The following ZNF714 variants were observed in gnomAD, a reference collection of about 807,000 sequenced individuals.
ZNF714 encodes the protein zinc finger protein 714.
Under a neutral mutation model 46.2 loss-of-function variants are expected in ZNF714, and 32 were observed. The observed-to-expected ratio is 0.69, with a 90% CI of 0.52 to 0.93. The LOEUF is 0.93. Among genes scored for constraint, ZNF714 ranks in the 40% least tolerant of loss-of-function variants. The pLI, the probability that ZNF714 is intolerant of heterozygous loss-of-function variation, is 0.00. For synonymous variants in ZNF714, 199 were observed against 213.1 expected (o/e 0.93, Z 0.58); for missense variants, 635 against 646.3 (o/e 0.98, Z 0.19).
chr19:21,118,321 A>G lies in ZNF714; in HGVS notation c.1657A>G (p.Arg553Gly). The change falls in exon 5 of 5, where the codon AGG becomes GGG. Residue 553 changes from arginine to glycine, a missense_variant. Coordinates refer to ENST00000456283, the MANE Select transcript of ZNF714 (RefSeq NM_182515.4). ...KIQKFAGCGG[R>G]RL is the part of the protein sequence containing the mutation. ...ACAAAAATTTGCTGGGTGTGGTGGC[A>G]GGCGCCTGTAATCCCAGCTACTTGG... The G allele has an allele frequency of 1.2e-6, 1 of 862,432 alleles. No homozygotes were observed. The highest frequency in any genetic ancestry group is 1.8e-6 in the Non-Finnish European group (1 of 567,632). The allele number at this position is 862,432 out of a possible 1,614,324, so 53.4% of individuals were successfully genotyped here.
intron 4 of ZNF714, among the ~76,000 whole-genome samples, chr19:21,106,384 A>G (rs939105582): frequency 1.3e-5 from 2 of 151,922 alleles, no homozygotes; most frequent in Admixed American, 6.6e-5. Flanking sequence ...CCTGACCAAC[A>G]TGGTGAGACC....
rs752246424 is a variant in ZNF714 at position 21,117,195 on chromosome 19, A to G, written c.531A>G (p.Glu177=). 6.2e-7 allele frequency: 1 copy of G among 1,614,002 alleles called. No individual in the cohort carries two copies. Among genetic ancestry groups the G allele is most frequent in the African/African-American group, 1.3e-5 (1 of 74,956 alleles). ...GAGAGAATTCTTACCAATGTGAAGA[A>G]TGTGACAAAGTGTTTAAGCGGTTCT... is the stretch of plus-strand genomic sequence containing the variant. ...HIRENSYQCE[E]CDKVFKRFST... The change falls in exon 5 of 5, where the codon GAA becomes GAG. Residue 177 remains glutamate (E), a synonymous_variant. Transcript: ENST00000456283.
chr19:21,115,403 C>T lies in ZNF714; in HGVS notation c.143-1404C>T, dbSNP rs535780117. 7.9e-5 allele frequency among the ~76,000 whole-genome samples: 12 copies of T among 151,818 alleles called. No homozygotes were observed. In the East Asian group the frequency reaches 1.5e-3, roughly 20 times the overall value. ...TATTTATAAAATTACTTTATTTAAT[C>T]GTATTATTTTCAGTAGAAGCAACTG... is the stretch of plus-strand genomic sequence containing the variant. On this transcript the variant is annotated intron_variant, in intron 4 of 4. Coordinates refer to ENST00000456283, the MANE Select transcript of ZNF714 (RefSeq NM_182515.4).
Position 21,117,571 on chromosome 19 carries a change from C to T in ZNF714, c.907C>T (p.His303Tyr). 1 of 1,606,844 alleles carries T rather than the reference C, an allele frequency of 6.2e-7. No individual in the cohort carries two copies. The highest frequency in any genetic ancestry group is 1.3e-5 in the African/African-American group (1 of 74,826). ...AFNRFSYLTK[H>Y]KIIHSGEKSY... ...TAACCGATTCTCATACCTTACTAAA[C>T]ATAAGATAATTCATTCTGGAGAGAA... Residue 303 changes from histidine to tyrosine, a missense_variant, in exon 5 of 5, where the codon CAT becomes TAT. Physicochemically the swap from His to Tyr is moderately conservative, Grantham distance 83. Coordinates refer to ENST00000456283, the MANE Select transcript of ZNF714 (RefSeq NM_182515.4).
At chr19:21,101,836 C>G (rs1310544579) in intron 4 of ZNF714, among the ~76,000 whole-genome samples, 1 of 152,184 alleles carries the variant, frequency 6.6e-6, no homozygotes, top group Non-Finnish European at 1.5e-5. Context: ...ATTTCTTGGT[C>G]TGTAGCCAAA....
chr19:21,096,478 A>C (rs537939107), intron 2 of ZNF714, among the ~76,000 whole-genome samples: 2 of 152,280 alleles, frequency 1.3e-5, no homozygotes, highest in East Asian at 3.9e-4. Flanking sequence ...CCATGAGTTT[A>C]GTACTTGCAA....
chr19:21,089,371 G>T (rs899050879), intron 2 of ZNF714, among the ~76,000 whole-genome samples: 1 of 152,140 alleles, frequency 6.6e-6, no homozygotes, highest in African/African-American at 2.4e-5. Flanking sequence ...CCAGACTTTA[G>T]TCAGGTCAAA....
chr19:21,092,768 C>T (rs1017151045), intron 2 of ZNF714, among the ~76,000 whole-genome samples: 3 of 152,088 alleles, frequency 2.0e-5, no homozygotes, highest in African/African-American at 4.8e-5. Flanking sequence ...CAGTGTCTGT[C>T]GTTCTCCTCT....
At position 21,118,451 on chromosome 19, in the gene ZNF714, CAAAAAAAA is replaced by C. The variant is rs71176814; in HGVS notation, c.*129_*136del. On this transcript the variant is annotated 3_prime_UTR_variant, in exon 5 of 5. Coordinates refer to ENST00000456283, the MANE Select transcript of ZNF714 (RefSeq NM_182515.4). ...TGGGCCACAAGGCAAGACTCTGTCT[CAAAAAAAA>C]AAAAAAAAAGAAAAGAAAATTCATA... The C allele has an allele frequency of 3.6e-5, 6 of 165,380 alleles. No individual in the cohort carries two copies. The highest frequency in any genetic ancestry group is 1.4e-4 in the Admixed American group (2 of 14,464). The allele number at this position is 165,380 out of a possible 1,614,324, so 10.2% of individuals were successfully genotyped here.
At chr19:21,111,021 T>C (rs1969439200) in intron 4 of ZNF714, among the ~76,000 whole-genome samples, 1 of 152,234 alleles carries the variant, frequency 6.6e-6, no homozygotes, top group Non-Finnish European at 1.5e-5. Context: ...TTGGATATCA[T>C]GATGCCTCCA....
intron 4 of ZNF714, among the ~76,000 whole-genome samples, chr19:21,101,585 G>A (rs1352748367): frequency 1.3e-5 from 2 of 152,104 alleles, no homozygotes; most frequent in Non-Finnish European, 2.9e-5. Flanking sequence ...CACTGTGTGA[G>A]TTTCTACTTA....
rs1366074466 is a variant in ZNF714, at chr19:21,098,854, A to C, written c.86A>C (p.Glu29Ala). 6.2e-7 allele frequency: 1 copy of C among 1,611,922 alleles called. No individual in the cohort carries two copies. Among genetic ancestry groups the C allele is most frequent in the Non-Finnish European group, 8.5e-7 (1 of 1,179,096 alleles). The stretch of plus-strand genomic sequence containing the variant: ...AAGCAAGACCCGATCACCAGTCTAG[A>C]GCAAGAAAAAGAGCCCTGGAATATG... ...VSKQDPITSL[E>A]QEKEPWNMKI... is the part of the protein sequence containing the mutation. The change falls in exon 4 of 5, where the codon GAG becomes GCG. Residue 29 changes from glutamate (E) to alanine (A), a missense_variant. Coordinates refer to ENST00000456283, the MANE Select transcript of ZNF714 (RefSeq NM_182515.4).
chr19:21,095,553 C>G (rs868768413), intron 2 of ZNF714, among the ~76,000 whole-genome samples: 2 of 151,892 alleles, frequency 1.3e-5, no homozygotes, highest in African/African-American at 4.8e-5. Context: ...AGCTCCGTGT[C>G]CCGGGTTCAC....
At chr19:21,110,244 C>A (rs562990310) in intron 4 of ZNF714, among the ~76,000 whole-genome samples, 3 of 152,316 alleles carry the variant, frequency 2.0e-5, no homozygotes, top group African/African-American at 7.2e-5. Flanking sequence ...TTCTCCATAG[C>A]CTCACCAACA....
At chr19:21,103,288 T>C (rs531802411) in intron 4 of ZNF714, among the ~76,000 whole-genome samples, 1 of 152,256 alleles carries the variant, frequency 6.6e-6, no homozygotes, top group African/African-American at 2.4e-5. Context: ...GCTCGGTGGC[T>C]CACGCCTGTA....
At chr19:21,082,655 C>CCGG (rs1968681568) in intron 1 of ZNF714, among the ~76,000 whole-genome samples, 1 of 151,874 alleles carries the variant, frequency 6.6e-6, no homozygotes, top group Non-Finnish European at 1.5e-5. Context: ...TGGAGGGTCC[C>CCGG]AGGGGTAGAA....
intron 4 of ZNF714, among the ~76,000 whole-genome samples, chr19:21,113,809 C>G (rs1250169795): frequency 2.0e-5 from 3 of 152,038 alleles, no homozygotes; most frequent in Non-Finnish European, 2.9e-5. Context: ...CATGCCCAGC[C>G]ATATGATCAA....
rs1969719704 is a variant in ZNF714, at chr19:21,122,508, C to T, written c.*4176C>T. 1 of 152,074 alleles carries T rather than the reference C, an allele frequency of 6.6e-6. No individual in the cohort carries two copies. Among genetic ancestry groups the T allele is most frequent in the African/African-American group, 2.4e-5 (1 of 41,382 alleles). The allele number at this position is 152,074 out of a possible 1,614,324, so 9.4% of individuals were successfully genotyped here. A position where few individuals can be genotyped will look rare whatever the true frequency, so the allele number is the denominator to read the frequency against. On this transcript the variant is annotated 3_prime_UTR_variant, in exon 5 of 5. Transcript: ENST00000456283. ...ACCTGTAGCCCAGCTACTCAGGAGG[C>T]TGAGGCAGAAGAATTGCTTGAACCC...
chr19:21,117,476 C>G lies in ZNF714; in HGVS notation c.812C>G (p.Ala271Gly), dbSNP rs1170066837. The change falls in exon 5 of 5, where the codon GCC (alanine) becomes GGC (glycine). Residue 271 changes from alanine to glycine, a missense_variant. Ala to Gly is a moderately conservative substitution (Grantham distance 60). Transcript: ENST00000456283. ...GGTAAAGCTTTTAACCACCCTTCAGCCCTTACTACACATAAGTTCATTCAT... is the reference window on the plus strand; with the variant it reads ...GGTAAAGCTTTTAACCACCCTTCAGGCCTTACTACACATAAGTTCATTCAT... ...ECGKAFNHPS[A>G]LTTHKFIHVK... 6.2e-7 allele frequency: 1 copy of G among 1,608,498 alleles called. No individual in the cohort carries two copies. Among genetic ancestry groups the G allele is most frequent in the Non-Finnish European group, 8.5e-7 (1 of 1,177,406 alleles).
Sources: allele counts gnomAD v4.1 joint callset (sites outside exome capture counted in the v4.1 genomes callset), GRCh38; gene constraint gnomAD v4.1.1; transcripts MANE v1.5; gene names NCBI Gene and HGNC (gene_info 2026-07-23, HGNC 2026-07-21).